The following ADARB2 variants were observed in gnomAD, a reference collection of about 807,000 sequenced individuals.
ADARB2 encodes adenosine deaminase RNA specific B2 (inactive).
In ADARB2, 25 loss-of-function variants were observed where a neutral mutation model predicts 62.2. The observed-to-expected ratio is 0.40, with a 90% CI of 0.29 to 0.56. The LOEUF (loss-of-function observed/expected upper bound fraction) is 0.56. Ranked by LOEUF, ADARB2 falls within the 20% of genes least tolerant of loss-of-function variation. The pLI is 0.43. For synonymous variants in ADARB2, 572 were observed against 500.8 expected (o/e 1.14, Z -1.90); for missense variants, 1,071 against 1,077.4 (o/e 0.99, Z 0.08).
In ADARB2 at chr10:1,363,302, G is replaced by C; in HGVS notation, c.803C>G (p.Pro268Arg). ...CTCGCCCGGGGCCGCGGGGGTGGCG[G>C]GGGTCGGGCCCACCAGGTCCAGCGC... is the stretch of plus-strand genomic sequence containing the variant. The part of the protein sequence containing the change: ...CRALDLVGPT[P>R]ATPAAPGERN... Residue 268 changes from proline to arginine, a missense_variant, in exon 3 of 10, where the codon CCC (proline) becomes CGC (arginine). Physicochemically the swap from Pro to Arg is moderately radical, Grantham distance 103. Transcript: ENST00000381312. 1.6e-6 allele frequency: 2 copies of C among 1,232,092 alleles called. No homozygotes were observed. The highest frequency in any genetic ancestry group is 2.0e-6 in the Non-Finnish European group (2 of 986,810). 76.3% of individuals were successfully genotyped at this position (1,232,092 alleles called of 1,614,324 possible).
intron 1 of ADARB2, among the ~76,000 whole-genome samples, chr10:1,517,976 G>C (rs1159801216): frequency 6.6e-6 from 1 of 152,112 alleles, no homozygotes; most frequent in Non-Finnish European, 1.5e-5. Context: ...TGAATGAAAG[G>C]GGGCAAAATT....
intron 3 of ADARB2, among the ~76,000 whole-genome samples, chr10:1,272,608 C>T (rs966350841): frequency 2.0e-5 from 3 of 152,202 alleles, no homozygotes; most frequent in East Asian, 3.9e-4. Context: ...CCCACTGTGT[C>T]GTGAATCAAT....
At chr10:1,587,784 T>C (rs1833199117) in intron 1 of ADARB2, among the ~76,000 whole-genome samples, 1 of 152,178 alleles carries the variant, frequency 6.6e-6, no homozygotes, top group South Asian at 2.1e-4. Flanking sequence ...TGGGAGGTAA[T>C]TGAATCATGG....
At chr10:1,686,672 T>G (rs1159765491) in intron 1 of ADARB2, among the ~76,000 whole-genome samples, 1 of 152,132 alleles carries the variant, frequency 6.6e-6, no homozygotes, top group Non-Finnish European at 1.5e-5. Flanking sequence ...GCAAGCATTA[T>G]TTTGCTAATT....
intron 3 of ADARB2, among the ~76,000 whole-genome samples, chr10:1,353,694 G>A (rs927950171): frequency 6.6e-6 from 1 of 152,096 alleles, no homozygotes; most frequent in Non-Finnish European, 1.5e-5. Flanking sequence ...ATTCCCCTGG[G>A]TAACCTTTCA....
At chr10:1,566,145 T>C (rs1222576147) in intron 1 of ADARB2, among the ~76,000 whole-genome samples, 1 of 150,824 alleles carries the variant, frequency 6.6e-6, no homozygotes, top group East Asian at 1.9e-4. Context: ...GTGTATCTAG[T>C]TGAGAATATT....
intron 4 of ADARB2, 87 bp downstream of exon 4, chr10:1,270,868 G>C (rs186726856): frequency 1.8e-4 from 201 of 1,140,180 alleles, no homozygotes; most frequent in Non-Finnish European, 3.7e-5. Context: ...GTGGAAGAGA[G>C]AGCCTTTTGG....
chr10:1,393,269 A>G (rs114881234), intron 1 of ADARB2, among the ~76,000 whole-genome samples: 3 of 152,260 alleles, frequency 2.0e-5, no homozygotes, highest in Non-Finnish European at 4.4e-5. Context: ...TATGGGACAC[A>G]TGAGATGTTT....
chr10:1,658,517 C>T (rs1834202113), intron 1 of ADARB2, among the ~76,000 whole-genome samples: 2 of 151,950 alleles, frequency 1.3e-5, no homozygotes, highest in African/African-American at 4.8e-5. Context: ...CTATCTGATT[C>T]TGCCTGATTC....
At chr10:1,563,436 C>T (rs1832814776) in intron 1 of ADARB2, among the ~76,000 whole-genome samples, 1 of 152,130 alleles carries the variant, frequency 6.6e-6, no homozygotes, top group Admixed American at 6.5e-5. Flanking sequence ...ACATCAGATG[C>T]TTGCTGCTGG....
intron 4 of ADARB2, among the ~76,000 whole-genome samples, chr10:1,251,583 G>A (rs914052861): frequency 1.3e-5 from 2 of 152,170 alleles, no homozygotes; most frequent in African/African-American, 4.8e-5. Context: ...GTTTTTGGGT[G>A]ATTAAAGAAA....
chr10:1,380,541 G>A (rs540732081), intron 1 of ADARB2, among the ~76,000 whole-genome samples: 15 of 152,338 alleles, frequency 9.8e-5, no homozygotes, highest in African/African-American at 3.6e-4. Flanking sequence ...TCCAGACTCA[G>A]CCTGAAACTG....
intron 1 of ADARB2, among the ~76,000 whole-genome samples, chr10:1,626,516 G>A (rs997765681): frequency 6.6e-6 from 1 of 152,194 alleles, no homozygotes; most frequent in Non-Finnish European, 1.5e-5. Flanking sequence ...TTCCGCAGGT[G>A]CTGCCTGGCC....
intron 1 of ADARB2, among the ~76,000 whole-genome samples, chr10:1,423,354 T>C (rs1394414011): frequency 1.3e-5 from 2 of 152,240 alleles, no homozygotes; most frequent in Non-Finnish European, 2.9e-5. Flanking sequence ...CACTGAGGGA[T>C]TCTGCAAGCC....
At chr10:1,184,714 G>T in intron 9 of ADARB2, 147 bp downstream of exon 9, 1 of 927,520 alleles carries the variant, frequency 1.1e-6, no homozygotes, top group Non-Finnish European at 1.5e-6. Flanking sequence ...GCTGGCCTGG[G>T]CAGCTGGGAA....
At chr10:1,589,908 G>T (rs1833230176) in intron 1 of ADARB2, among the ~76,000 whole-genome samples, 1 of 152,204 alleles carries the variant, frequency 6.6e-6, no homozygotes, top group South Asian at 2.1e-4. Context: ...CTGACCTCAG[G>T]TGATGCACCC....
intron 1 of ADARB2, among the ~76,000 whole-genome samples, chr10:1,686,939 C>T (rs1170909003): frequency 6.6e-6 from 1 of 151,380 alleles, no homozygotes; most frequent in Admixed American, 6.6e-5. Flanking sequence ...TTTTTTAACA[C>T]GTTATTTGTA....
At chr10:1,652,851 A>T (rs1834127858) in intron 1 of ADARB2, among the ~76,000 whole-genome samples, 1 of 152,112 alleles carries the variant, frequency 6.6e-6, no homozygotes, top group Non-Finnish European at 1.5e-5. Flanking sequence ...CCTAGGACTG[A>T]TAAACAAACC....
chr10:1,705,770 T>G (rs1834881716), intron 1 of ADARB2, among the ~76,000 whole-genome samples: 1 of 152,196 alleles, frequency 6.6e-6, no homozygotes, highest in African/African-American at 2.4e-5. Flanking sequence ...GTTCCAGGGA[T>G]AGCTGCCGTC....
Sources: gnomAD v4.1 joint callset for allele counts (sites outside exome capture counted in the v4.1 genomes callset) on GRCh38, gnomAD v4.1.1 for gene constraint, MANE v1.5 for transcripts, NCBI Gene and HGNC (gene_info 2026-07-23, HGNC 2026-07-21) for gene names.